FAT3: variants seen among roughly 807,000 people sequenced by gnomAD.
FAT3 encodes protocadherin Fat 3.
FAT3 carries 95 observed loss-of-function variants against 310.2 expected under a neutral mutation model. That is an observed-to-expected ratio of 0.31 (90% confidence interval 0.26 to 0.36). The LOEUF (loss-of-function observed/expected upper bound fraction) is 0.36, where lower values mean the gene tolerates loss of function less well. FAT3 is among the 10% of genes least tolerant of loss of function. The pLI is 1.00. For missense variants in FAT3, 5,408 were observed against 5,715.6 expected, an observed-to-expected ratio of 0.95 and a Z score of 1.74; for synonymous variants, 2,314 against 2,192.9, an observed-to-expected ratio of 1.06 and a Z score of -1.54.
chr11:92,442,111 ATT>A (rs869097021), intron 2 of FAT3, among the ~76,000 whole-genome samples: 5 of 45,218 alleles, frequency 1.1e-4, no homozygotes, highest in African/African-American at 5.5e-4. Flanking sequence ...ATATATATAT[ATT>A]TTTTTTTTTT....
At position 92,800,274 on chromosome 11, in the gene FAT3, G is replaced by A. The variant is rs1456839511; in HGVS notation, c.7261G>A (p.Ala2421Thr). The change falls in exon 10 of 28, where the codon GCA (alanine) becomes ACA (threonine). Residue 2421 changes from alanine to threonine, a missense_variant. Physicochemically the swap from Ala to Thr is moderately conservative, Grantham distance 58. This residue lies in a region of FAT3 where 4,588 missense variants were observed against 4,809.8 expected (regional missense o/e 0.95). Coordinates refer to ENST00000525166, the MANE Select transcript of FAT3 (RefSeq NM_001367949.2). ...TGTAACCTGTGTACAAGCCTCTGAT[G>A]CAGACAGCTCTGATTTTGACCGGTT... ...HFVTCVQASD[A>T]DSSDFDRLEY... 6 of 1,613,844 alleles carry A rather than the reference G, an allele frequency of 3.7e-6. No homozygotes were observed. Among genetic ancestry groups the A allele is most frequent in the East Asian group, 2.2e-5 (1 of 44,886 alleles).
At position 92,353,394 on chromosome 11, in the gene FAT3, C is replaced by A; in HGVS notation, c.1282C>A (p.Leu428Met). Residue 428 changes from leucine (L) to methionine (M), a missense_variant, in exon 2 of 28, where the codon CTG becomes ATG. Coordinates refer to ENST00000525166, the MANE Select transcript of FAT3 (RefSeq NM_001367949.2). ...CTTTAAAATTAATCCTCGGTCGGGT[C>A]TGATTGTTACAGCACGGCCACTGAA... Reference protein sequence around the residue: ...VYFKINPRSGLIVTARPLNTV... With the variant: ...VYFKINPRSGMIVTARPLNTV... The A allele has an allele frequency of 6.2e-7, 1 of 1,613,398 alleles. No individual in the cohort carries two copies. Among genetic ancestry groups the A allele is most frequent in the South Asian group, 1.1e-5 (1 of 90,978 alleles).
chr11:92,640,198 G>C (rs1321212656), intron 3 of FAT3, among the ~76,000 whole-genome samples: 2 of 152,148 alleles, frequency 1.3e-5, no homozygotes, highest in African/African-American at 4.8e-5. Flanking sequence ...ACAGATTTTA[G>C]GTTCTCCCTG....
chr11:92,547,853 T>C (rs969437669), intron 3 of FAT3, among the ~76,000 whole-genome samples: 2 of 152,140 alleles, frequency 1.3e-5, no homozygotes, highest in Non-Finnish European at 2.9e-5. Context: ...TTCCTGGAAC[T>C]AGAGTTTGGT....
intron 1 of FAT3, among the ~76,000 whole-genome samples, chr11:92,335,138 C>G (rs1948029703): frequency 6.6e-6 from 1 of 151,800 alleles, no homozygotes; most frequent in Non-Finnish European, 1.5e-5. Flanking sequence ...TACCTGTAGT[C>G]CATTTGTCCC....
chr11:92,764,198 C>A (rs1463083420), intron 5 of FAT3, among the ~76,000 whole-genome samples: 1 of 151,978 alleles, frequency 6.6e-6, no homozygotes, highest in Non-Finnish European at 1.5e-5. Flanking sequence ...GAGTCATTAG[C>A]CCTGTCTTCC....
rs1188622335 is a variant in FAT3, at chr11:92,880,884, C to G, written c.12281C>G (p.Thr4094Arg). 6.2e-7 allele frequency: 1 copy of G among 1,613,118 alleles called. No homozygotes were observed. ...CNCKAGLTGV[T>R]CEEDINECER... ...TGTAAAGCTGGGCTCACTGGAGTCA[C>G]GTAAGTGAGATTACATAAGTGTCTT... Residue 4094 changes from threonine (T) to arginine (R), a missense_variant and splice_region_variant, in exon 23 of 28, where the codon ACG becomes AGG. By Grantham distance (71) the Thr-to-Arg change is moderately conservative. This residue lies in a region of FAT3 where 649 missense variants were observed against 666.2 expected (regional missense o/e 0.97). Transcript: ENST00000525166.
chr11:92,744,142 G>A (rs113278940), intron 4 of FAT3, among the ~76,000 whole-genome samples: 38 of 152,302 alleles, frequency 2.5e-4, no homozygotes, highest in African/African-American at 9.1e-4. Flanking sequence ...ACAAGGAATT[G>A]TCTAAGATGA....
At chr11:92,432,842 C>G (rs994171798) in intron 2 of FAT3, among the ~76,000 whole-genome samples, 2 of 152,178 alleles carry the variant, frequency 1.3e-5, no homozygotes, top group Admixed American at 6.5e-5. Flanking sequence ...ATAGCTGCCC[C>G]TTTCCTCAGG....
At position 92,840,602 on chromosome 11, in the gene FAT3, TGACA is replaced by T; in HGVS notation, c.10416_10419del (p.Asp3472GlufsTer116). ...GGCACCAGCATCTTGCAGCTGGTGG[TGACA>T]GACAGAGACTCCTTTCACAATGGGC... On this transcript the variant is annotated frameshift_variant, in exon 18 of 28. Transcript: ENST00000525166. LOFTEE classifies it high-confidence loss of function. The T allele has an allele frequency of 1.9e-6, 3 of 1,608,330 alleles. No homozygotes were observed. Among genetic ancestry groups the T allele is most frequent in the East Asian group, 2.2e-5 (1 of 44,712 alleles).
intron 1 of FAT3, chr11:92,314,379 C>T (rs1265716285): frequency 1.4e-6 from 1 of 709,424 alleles, no homozygotes; most frequent in African/African-American, 1.9e-5. Context: ...TGAAGCCCCT[C>T]ATTGCATGAA....
intron 18 of FAT3, 113 bp from the exon 19 acceptor site, chr11:92,843,821 A>G (rs1290669380): frequency 2.0e-6 from 2 of 1,008,228 alleles, no homozygotes; most frequent in African/African-American, 1.6e-5. Flanking sequence ...GTGGCAAGGA[A>G]TGAAGGAAGA....
intron 1 of FAT3, among the ~76,000 whole-genome samples, chr11:92,292,462 G>A (rs1337031152): frequency 1.3e-5 from 2 of 152,010 alleles, no homozygotes. Context: ...TGTTTGTGAG[G>A]AAACTTAATT....
At chr11:92,289,496 T>C (rs1946639142) in intron 1 of FAT3, among the ~76,000 whole-genome samples, 1 of 120,066 alleles carries the variant, frequency 8.3e-6, no homozygotes, top group Non-Finnish European at 1.7e-5. Flanking sequence ...GTCTCCATGA[T>C]AGATACACAC....
At chr11:92,395,116 A>G (rs1018573859) in intron 2 of FAT3, among the ~76,000 whole-genome samples, 2 of 152,212 alleles carry the variant, frequency 1.3e-5, no homozygotes, top group South Asian at 4.1e-4. Context: ...AACATTAGCT[A>G]AAATATTTTC....
chr11:92,627,880 T>C (rs1302407838), intron 3 of FAT3, among the ~76,000 whole-genome samples: 1 of 152,094 alleles, frequency 6.6e-6, no homozygotes, highest in Non-Finnish European at 1.5e-5. Flanking sequence ...AATATGAACA[T>C]CTTTGTGAGT....
chr11:92,548,132 A>C (rs1450816448), intron 3 of FAT3, among the ~76,000 whole-genome samples: 1 of 152,216 alleles, frequency 6.6e-6, no homozygotes, highest in Non-Finnish European at 1.5e-5. Flanking sequence ...AAATAGAAGA[A>C]TTACAGGCTT....
chr11:92,809,473 T>C (rs2136210405), intron 12 of FAT3, among the ~76,000 whole-genome samples: 1 of 152,346 alleles, frequency 6.6e-6, no homozygotes, highest in East Asian at 1.9e-4. Flanking sequence ...CAGTCCATTC[T>C]CTGTGTGTTT....
At position 92,855,253 on chromosome 11, in the gene FAT3, T is replaced by C. The variant is rs1948941281; in HGVS notation, c.11366-1961T>C. Among the ~76,000 whole-genome samples, 3 of 152,330 alleles carry C rather than the reference T, an allele frequency of 2.0e-5. No homozygotes were observed. The South Asian group carries it at 6.2e-4, about 32-fold the overall frequency. ...TAAGGCAGGCCTGAGGTTAAGCTAC[T>C]AGCTGTGGTTAGCTCGTTCCTTTGT... On this transcript the variant is annotated intron_variant, in intron 19 of 27. Coordinates refer to ENST00000525166, the MANE Select transcript of FAT3 (RefSeq NM_001367949.2).
Sources: allele counts gnomAD v4.1 joint callset (sites outside exome capture counted in the v4.1 genomes callset), GRCh38; gene constraint gnomAD v4.1.1; regional missense constraint gnomAD v4.1.1; transcripts MANE v1.5; gene names NCBI Gene and HGNC (gene_info 2026-07-23, HGNC 2026-07-21).